Variants in NDUFAF2 observed in about 807,000 individuals in gnomAD.
NDUFAF2 encodes the protein NADH dehydrogenase [ubiquinone] 1 alpha subcomplex assembly factor 2.
A neutral mutation model predicts 22.8 loss-of-function variants in NDUFAF2; 13 were observed. The ratio of observed to expected loss-of-function variants is 0.57; its 90% confidence interval spans 0.37 to 0.91. NDUFAF2 has a LOEUF of 0.91. Ranked by LOEUF, NDUFAF2 falls within the 40% of genes least tolerant of loss-of-function variation. The pLI is 0.01. For missense variants in NDUFAF2, 162 were observed against 195.2 expected (o/e 0.83, Z 1.01); for synonymous variants, 53 against 64.2 (o/e 0.83, Z 0.84).
intron 3 of NDUFAF2, among the ~76,000 whole-genome samples, chr5:61,128,612 C>T (rs1272938113): frequency 1.3e-5 from 2 of 152,160 alleles, no homozygotes; most frequent in African/African-American, 4.8e-5. Flanking sequence ...AGAGCTGAAA[C>T]TGGATTCCTT....
chr5:61,126,619 A>G lies in NDUFAF2; in HGVS notation c.259-26085A>G, dbSNP rs571240134. On this transcript the variant is annotated intron_variant, in intron 3 of 3. Transcript: ENST00000296597. ...TGTGATTTAAATGTAATAATTTTTA[A>G]AAGTCAGTACGTATTTTCACACCAG... Among the ~76,000 whole-genome samples, 403 of 152,224 alleles carry G rather than the reference A, an allele frequency of 2.6e-3. 2 individuals carry two copies. The highest frequency in any genetic ancestry group is 3.6e-3 in the Non-Finnish European group (242 of 67,964).
At chr5:61,002,629 A>T (rs1283599862) in intron 1 of NDUFAF2, among the ~76,000 whole-genome samples, 1 of 152,144 alleles carries the variant, frequency 6.6e-6, no homozygotes, top group Non-Finnish European at 1.5e-5. Context: ...GGAGACTAAA[A>T]CATTGTGCAG....
intron 3 of NDUFAF2, among the ~76,000 whole-genome samples, chr5:61,110,435 C>T (rs973367323): frequency 2.0e-5 from 3 of 152,170 alleles, no homozygotes; most frequent in Admixed American, 2.0e-4. Flanking sequence ...TGGTAAAGTT[C>T]AGCAGGGAAG....
chr5:61,019,645 G>A (rs1002765693), intron 1 of NDUFAF2, among the ~76,000 whole-genome samples: 33 of 151,982 alleles, frequency 2.2e-4, no homozygotes, highest in African/African-American at 7.5e-4. Context: ...ATACCCCGTA[G>A]TGCTGGATAA....
At chr5:61,111,428 A>T (rs967629595) in intron 3 of NDUFAF2, among the ~76,000 whole-genome samples, 16 of 151,892 alleles carry the variant, frequency 1.1e-4, no homozygotes, top group African/African-American at 3.9e-4. Flanking sequence ...GTCTCCAGTT[A>T]TTTATTTATT....
intron 3 of NDUFAF2, among the ~76,000 whole-genome samples, chr5:61,107,939 A>G (rs2111779726): frequency 1.3e-5 from 2 of 150,148 alleles, no homozygotes; most frequent in African/African-American, 2.5e-5. Context: ...TTCTTGCGAT[A>G]GTTTACTGAG....
At chr5:60,980,953 A>G (rs1328226489) in intron 1 of NDUFAF2, among the ~76,000 whole-genome samples, 1 of 152,160 alleles carries the variant, frequency 6.6e-6, no homozygotes, top group Non-Finnish European at 1.5e-5. Flanking sequence ...ATGTAGCCTC[A>G]TAAGGGCAAA....
intron 1 of NDUFAF2, among the ~76,000 whole-genome samples, chr5:61,054,879 G>A (rs1752068351): frequency 6.6e-6 from 1 of 152,186 alleles, no homozygotes; most frequent in Non-Finnish European, 1.5e-5. Flanking sequence ...TCATTGAGTG[G>A]TTAGAGTTAT....
intron 3 of NDUFAF2, among the ~76,000 whole-genome samples, chr5:61,127,986 A>G (rs1753058597): frequency 6.6e-6 from 1 of 152,190 alleles, no homozygotes; most frequent in African/African-American, 2.4e-5. Flanking sequence ...AATCACAAGC[A>G]TTCTTATACA....
chr5:61,152,899 A>G lies in NDUFAF2; in HGVS notation c.454A>G (p.Lys152Glu). The change falls in exon 4 of 4, where the codon AAA becomes GAA. Residue 152 changes from lysine (K) to glutamate (E), a missense_variant. Lys to Glu is a moderately conservative substitution (Grantham distance 56). Around this residue, in one of 2 missense-constraint regions of NDUFAF2, gnomAD observed 68 missense variants for 110.0 expected, o/e 0.62. Transcript: ENST00000296597. ...EPSVAPSSTG[K>E]TFQPGSWMPR... ...CTCAGTGGCTCCCAGCAGCACTGGTAAAACCTTTCAGCCAGGATCCTGGAT... is the reference window on the plus strand; with the variant it reads ...CTCAGTGGCTCCCAGCAGCACTGGTGAAACCTTTCAGCCAGGATCCTGGAT... 1.9e-6 allele frequency: 3 copies of G among 1,613,486 alleles called. No individual in the cohort carries two copies. The highest frequency in any genetic ancestry group is 2.5e-6 in the Non-Finnish European group (3 of 1,179,618).
At chr5:60,991,946 CTTGCCAGCGTTTGTTA>C (rs1751163935) in intron 1 of NDUFAF2, among the ~76,000 whole-genome samples, 2 of 152,186 alleles carry the variant, frequency 1.3e-5, no homozygotes, top group African/African-American at 4.8e-5. Flanking sequence ...TCTCCACATC[CTTGCCAGCGTTTGTTA>C]TTGCCTGTCT....
intron 1 of NDUFAF2, among the ~76,000 whole-genome samples, chr5:60,968,550 T>A (rs895317050): frequency 1.6e-4 from 24 of 152,008 alleles, no homozygotes; most frequent in Admixed American, 1.3e-3. Flanking sequence ...TTTTGAAAAA[T>A]TTTTTTATTT....
intron 1 of NDUFAF2, among the ~76,000 whole-genome samples, chr5:60,999,614 G>A (rs185303288): frequency 1.3e-5 from 2 of 152,164 alleles, no homozygotes; most frequent in East Asian, 1.9e-4. Flanking sequence ...TTGGGGTGGT[G>A]AGAATGTTTT....
At chr5:61,098,902 G>A (rs1752674317) in intron 2 of NDUFAF2, 90 bp from the exon 3 acceptor site, 1 of 853,262 alleles carries the variant, frequency 1.2e-6, no homozygotes, top group African/African-American at 1.7e-5. Context: ...AAATAATATG[G>A]AGTAGGTACT....
At chr5:61,120,300 C>T (rs1752960607) in intron 3 of NDUFAF2, among the ~76,000 whole-genome samples, 1 of 152,106 alleles carries the variant, frequency 6.6e-6, no homozygotes, top group Non-Finnish European at 1.5e-5. Flanking sequence ...GTACTCTTAC[C>T]TGGTAAGCTA....
At chr5:61,037,232 G>A (rs555972850) in intron 1 of NDUFAF2, among the ~76,000 whole-genome samples, 4 of 152,146 alleles carry the variant, frequency 2.6e-5, no homozygotes, top group Non-Finnish European at 5.9e-5. Flanking sequence ...TTCAAAAAAA[G>A]AAGAGATTCA....
chr5:61,039,820 A>G (rs1200313536), intron 1 of NDUFAF2, among the ~76,000 whole-genome samples: 8 of 152,220 alleles, frequency 5.3e-5, no homozygotes, highest in Non-Finnish European at 1.2e-4. Flanking sequence ...TATGCTGGAC[A>G]AACAGGAATG....
rs145590467 is a variant in NDUFAF2 at position 60,967,205 on chromosome 5, A to G, written c.127+21823A>G. 2.4e-3 allele frequency among the ~76,000 whole-genome samples: 369 copies of G among 152,114 alleles called. 1 individual carries two copies. Among genetic ancestry groups the G allele is most frequent in the African/African-American group, 8.5e-3 (352 of 41,550 alleles). On this transcript the variant is annotated intron_variant, in intron 1 of 3. Transcript: ENST00000296597. ...TGTGTCTTGATTTTTGTACCCTGCA[A>G]CTTCACTAAATGTATTAGTAACAGT...
chr5:60,991,114 G>A (rs543194255), intron 1 of NDUFAF2, among the ~76,000 whole-genome samples: 5 of 152,078 alleles, frequency 3.3e-5, no homozygotes, highest in African/African-American at 1.2e-4. Flanking sequence ...ATGTGTTGCA[G>A]TCTGATGCAT....
Sources: gnomAD v4.1 joint callset for allele counts (sites outside exome capture counted in the v4.1 genomes callset) on GRCh38, gnomAD v4.1.1 for gene constraint, gnomAD v4.1.1 regional missense constraint, MANE v1.5 for transcripts, NCBI Gene and HGNC (gene_info 2026-07-23, HGNC 2026-07-21) for gene names.